ARID5B: variants seen among roughly 807,000 people sequenced by gnomAD.
ARID5B encodes AT-rich interactive domain-containing protein 5B.
A neutral mutation model predicts 97.2 loss-of-function variants in ARID5B; 13 were observed. That is an observed-to-expected ratio of 0.13 (90% CI 0.09 to 0.21). The LOEUF (loss-of-function observed/expected upper bound fraction) is 0.21. Ranked by LOEUF, ARID5B falls within the 10% of genes least tolerant of loss-of-function variation. ARID5B has a pLI of 1.00. For synonymous variants in ARID5B, 556 were observed against 570.3 expected, an observed-to-expected ratio of 0.97 and a Z score of 0.36; for missense variants, 1,210 against 1,465.3, an observed-to-expected ratio of 0.83 and a Z score of 2.84.
Position 61,925,031 on chromosome 10 carries a change from C to G in ARID5B, c.277-15152C>G, listed in dbSNP as rs150064753. ...ACCAGCCTGGCCAACATTGTGAAAC[C>G]CTGTTCCTACTGAAAATACAAAAAA... On this transcript the variant is annotated intron_variant, in intron 2 of 9. Transcript: ENST00000279873. Among the ~76,000 whole-genome samples, 274 of 152,050 alleles carry G rather than the reference C, an allele frequency of 1.8e-3. 3 individuals are homozygous for G. Among genetic ancestry groups the G allele is most frequent in the African/African-American group, 6.5e-3 (268 of 41,472 alleles).
intron 3 of ARID5B, among the ~76,000 whole-genome samples, chr10:61,965,189 AT>A (rs890560745): frequency 8.5e-5 from 13 of 152,062 alleles, no homozygotes; most frequent in Non-Finnish European, 1.9e-4. Flanking sequence ...GGGGCAGGGT[AT>A]TTTTTTTATA....
intron 5 of ARID5B, 122 bp downstream of exon 5, chr10:62,051,122 C>T (rs1350258913): frequency 1.2e-6 from 1 of 854,144 alleles, no homozygotes; most frequent in Non-Finnish European, 1.9e-6. Context: ...CTTTGGTATT[C>T]AGAGCTTTTG....
chr10:62,037,721 A>C (rs185210062), intron 4 of ARID5B, among the ~76,000 whole-genome samples: 2 of 152,374 alleles, frequency 1.3e-5, no homozygotes, highest in South Asian at 4.1e-4. Context: ...ATATAAAGAC[A>C]TGAAAGAAAG....
intron 3 of ARID5B, among the ~76,000 whole-genome samples, chr10:61,966,139 C>T (rs2132827636): frequency 6.6e-6 from 1 of 152,290 alleles, no homozygotes; most frequent in Non-Finnish European, 1.5e-5. Context: ...TTCCAATTTA[C>T]TATATTTTCT....
chr10:61,992,524 T>G (rs952960530), intron 3 of ARID5B, among the ~76,000 whole-genome samples: 1 of 152,350 alleles, frequency 6.6e-6, no homozygotes, highest in South Asian at 2.1e-4. Flanking sequence ...TGAAAACAGC[T>G]GGTTCAAACC....
chr10:61,954,783 G>T (rs1326716730), intron 3 of ARID5B, among the ~76,000 whole-genome samples: 2 of 152,150 alleles, frequency 1.3e-5, no homozygotes, highest in South Asian at 2.1e-4. Context: ...AAGGCAGGTG[G>T]ATCACCTGAG....
intron 8 of ARID5B, among the ~76,000 whole-genome samples, chr10:62,073,096 C>A (rs1215150157): frequency 6.6e-6 from 1 of 152,180 alleles, no homozygotes; most frequent in Non-Finnish European, 1.5e-5. Context: ...TGGAAATGCC[C>A]TTGGAATTTT....
chr10:61,936,533 G>C (rs775689654), intron 2 of ARID5B, among the ~76,000 whole-genome samples: 10 of 152,162 alleles, frequency 6.6e-5, no homozygotes, highest in Non-Finnish European at 5.9e-5. Context: ...CAGGAGAATC[G>C]CTTGAACCTG....
chr10:62,004,059 G>A (rs1487217117), intron 4 of ARID5B, among the ~76,000 whole-genome samples: 2 of 152,124 alleles, frequency 1.3e-5, no homozygotes, highest in Non-Finnish European at 2.9e-5. Context: ...GTGTCATTTT[G>A]ATTTTTATTT....
intron 4 of ARID5B, among the ~76,000 whole-genome samples, chr10:62,005,511 G>T (rs1021766246): frequency 6.6e-6 from 1 of 152,182 alleles, no homozygotes; most frequent in South Asian, 2.1e-4. Flanking sequence ...GGCTCCTGGG[G>T]TCTTACTATA....
In ARID5B at chr10:62,000,449, C is replaced by T. The variant is rs187870931; in HGVS notation, c.733+128C>T. ...AAGCCCCATGTGCTGCCCCACCCCT[C>T]CCATCCCCCAAATTATTGCGGCATA... On this transcript the variant is annotated intron_variant, in intron 4 of 9. Coordinates refer to ENST00000279873, the MANE Select transcript of ARID5B (RefSeq NM_032199.3). The surrounding 1 kb of genome is among the most constrained non-coding windows in gnomAD (Gnocchi z 4.4). The T allele has an allele frequency of 2.7e-3, 2,126 of 800,716 alleles. 7 individuals are homozygous for T. The highest frequency in any genetic ancestry group is 3.7e-3 in the Non-Finnish European group (1,900 of 516,176). 49.6% of individuals were successfully genotyped at this position (800,716 alleles called of 1,614,324 possible). A position where few individuals can be genotyped will look rare whatever the true frequency, so the allele number is the denominator to read the frequency against.
intron 3 of ARID5B, among the ~76,000 whole-genome samples, chr10:61,985,201 CACTT>C (rs1362580331): frequency 6.6e-6 from 1 of 151,836 alleles, no homozygotes; most frequent in Non-Finnish European, 1.5e-5. Flanking sequence ...CTTGTCAGAA[CACTT>C]ACTTGTATTA....
chr10:62,048,797 A>G (rs1352477291), intron 4 of ARID5B, among the ~76,000 whole-genome samples: 1 of 152,236 alleles, frequency 6.6e-6, no homozygotes, highest in African/African-American at 2.4e-5. Flanking sequence ...CTAGAAATAA[A>G]TGCCTTTTAG....
intron 2 of ARID5B, among the ~76,000 whole-genome samples, chr10:61,925,006 A>T (rs980614499): frequency 3.3e-5 from 5 of 152,024 alleles, no homozygotes; most frequent in Admixed American, 6.6e-5. Context: ...GGAGTTTGAG[A>T]CCAGCCTGGC....
chr10:62,033,709 A>G (rs1467468541), intron 4 of ARID5B, among the ~76,000 whole-genome samples: 2 of 152,194 alleles, frequency 1.3e-5, no homozygotes, highest in Non-Finnish European at 2.9e-5. Context: ...TAATAATGGT[A>G]TTCACCATTT....
intron 4 of ARID5B, among the ~76,000 whole-genome samples, chr10:62,008,770 CTATT>C (rs1011873556): frequency 5.9e-5 from 9 of 152,168 alleles, no homozygotes; most frequent in African/African-American, 1.9e-4. Flanking sequence ...AGAGTGCAAA[CTATT>C]TAGAAGTTGA....
intron 3 of ARID5B, 104 bp from the exon 4 acceptor site, chr10:61,999,987 C>G (rs1434739157): frequency 1.7e-6 from 2 of 1,149,800 alleles, no homozygotes; most frequent in Non-Finnish European, 2.5e-6. Context: ...GGATGAGAGT[C>G]TTTTTAGTCC....
chr10:62,054,801 C>G (rs1839833801), intron 5 of ARID5B, among the ~76,000 whole-genome samples: 1 of 152,302 alleles, frequency 6.6e-6, no homozygotes, highest in South Asian at 2.1e-4. Context: ...AGATCTACTC[C>G]TTTATGTTAT....
At chr10:61,925,830 T>C (rs1191858706) in intron 2 of ARID5B, among the ~76,000 whole-genome samples, 1 of 152,238 alleles carries the variant, frequency 6.6e-6, no homozygotes, top group Non-Finnish European at 1.5e-5. Flanking sequence ...ACTTGTTTGA[T>C]ACGCAAATGC....
Sources: allele counts gnomAD v4.1 joint callset (sites outside exome capture counted in the v4.1 genomes callset), GRCh38; gene constraint gnomAD v4.1.1; non-coding constraint Gnocchi (gnomAD v3.1); transcripts MANE v1.5; gene names NCBI Gene and HGNC (gene_info 2026-07-23, HGNC 2026-07-21).